MALRD1: variants seen among roughly 807,000 people sequenced by gnomAD.
The protein encoded by MALRD1 is MAM and LDL-receptor class A domain-containing protein 1.
MALRD1 carries 247 observed loss-of-function variants against 242.1 expected under a neutral mutation model. The ratio of observed to expected loss-of-function variants is 1.02; its 90% confidence interval spans 0.92 to 1.13. The LOEUF is 1.13. MALRD1 is among the 50% of genes most tolerant of loss of function. The pLI is 0.00. For synonymous variants in MALRD1, 995 were observed against 866.6 expected, an observed-to-expected ratio of 1.15 and a Z score of -2.60; for missense variants, 2,989 against 2,533.1, an observed-to-expected ratio of 1.18 and a Z score of -3.86.
chr10:19,642,979 T>TA (rs1470584393), intron 36 of MALRD1, among the ~76,000 whole-genome samples: 1 of 152,214 alleles, frequency 6.6e-6, no homozygotes, highest in Admixed American at 6.5e-5. Context: ...CACTATGACT[T>TA]AATTATTGTA....
chr10:19,177,415 T>G (rs12573393), intron 14 of MALRD1, among the ~76,000 whole-genome samples: 16,692 of 152,152 alleles, frequency 0.11, 965 homozygotes, highest in East Asian at 0.18. Flanking sequence ...AGCATTAAAG[T>G]TGACATTGAA....
Position 19,195,513 on chromosome 10 carries a change from C to G in MALRD1, c.1952-8215C>G, listed in dbSNP as rs866676420. On this transcript the variant is annotated intron_variant, in intron 14 of 39. Coordinates refer to ENST00000454679, the MANE Select transcript of MALRD1 (RefSeq NM_001142308.3). ...TTGAACTCCAGACTCAGATCTAACT[C>G]TCTATTAGACATCTTCCCCTGGATG... is the stretch of plus-strand genomic sequence containing the variant. Among the ~76,000 whole-genome samples, 6 of 152,244 alleles carry G rather than the reference C, an allele frequency of 3.9e-5. No homozygotes were observed. In the East Asian group the frequency reaches 7.7e-4, roughly 20 times the overall value.
chr10:19,403,134 C>G lies in MALRD1; in HGVS notation c.4845+13525C>G, dbSNP rs191534110. On this transcript the variant is annotated intron_variant, in intron 28 of 39. Coordinates refer to ENST00000454679, the MANE Select transcript of MALRD1 (RefSeq NM_001142308.3). ...AATTGGAAGCTGATGATGGAATTAT[C>G]TATGCAGTCTAAAAAGAATTTATGT... 2.9e-4 allele frequency among the ~76,000 whole-genome samples: 44 copies of G among 152,196 alleles called. 1 individual carries two copies. The East Asian group carries it at 7.7e-3, about 27-fold the overall frequency.
intron 19 of MALRD1, among the ~76,000 whole-genome samples, chr10:19,275,909 A>G (rs1231861528): frequency 6.6e-5 from 10 of 152,190 alleles, no homozygotes; most frequent in Non-Finnish European, 5.9e-5. Flanking sequence ...ATAGGAAAAC[A>G]TGTGTGATCC....
chr10:19,699,774 G>A (rs1312893810), intron 38 of MALRD1, among the ~76,000 whole-genome samples: 1 of 151,838 alleles, frequency 6.6e-6, no homozygotes, highest in Non-Finnish European at 1.5e-5. Flanking sequence ...GAGAGAGTAG[G>A]GGGGAAGTGC....
intron 35 of MALRD1, among the ~76,000 whole-genome samples, chr10:19,608,881 C>A (rs1386023204): frequency 5.3e-5 from 8 of 152,040 alleles, no homozygotes. Flanking sequence ...CTGTCACTTT[C>A]TCTGCACTCA....
intron 18 of MALRD1, among the ~76,000 whole-genome samples, chr10:19,243,829 G>T (rs575706947): frequency 2.1e-4 from 32 of 152,216 alleles, no homozygotes; most frequent in African/African-American, 7.2e-4. Context: ...TGGAGTGATG[G>T]TTCTCTGAAG....
intron 31 of MALRD1, among the ~76,000 whole-genome samples, chr10:19,527,327 T>C (rs914766377): frequency 5.9e-5 from 9 of 152,178 alleles, no homozygotes; most frequent in African/African-American, 2.2e-4. Flanking sequence ...TAGTTAGATA[T>C]TGGAGTAAAA....
chr10:19,245,821 T>G (rs964567918), intron 18 of MALRD1, among the ~76,000 whole-genome samples: 1 of 152,190 alleles, frequency 6.6e-6, no homozygotes, highest in Non-Finnish European at 1.5e-5. Context: ...TTAAATGATA[T>G]GTAAAGTAAG....
intron 14 of MALRD1, among the ~76,000 whole-genome samples, chr10:19,201,468 C>T (rs560661659): frequency 6.6e-5 from 10 of 152,232 alleles, no homozygotes; most frequent in African/African-American, 2.4e-4. Flanking sequence ...AATAAGGTTC[C>T]CCTTCCAGGT....
chr10:19,446,209 G>A (rs868748119), intron 28 of MALRD1, among the ~76,000 whole-genome samples: 2 of 152,146 alleles, frequency 1.3e-5, no homozygotes, highest in African/African-American at 4.8e-5. Context: ...GCTAGGAAAT[G>A]GAATTCCCCA....
chr10:19,642,111 T>C (rs1288219987), intron 36 of MALRD1, among the ~76,000 whole-genome samples: 1 of 152,190 alleles, frequency 6.6e-6, no homozygotes, highest in Non-Finnish European at 1.5e-5. Flanking sequence ...ATAACATGCT[T>C]AGTTTCAAAG....
intron 38 of MALRD1, among the ~76,000 whole-genome samples, chr10:19,692,867 T>TTATA (rs1254775928): frequency 3.7e-4 from 11 of 29,638 alleles, no homozygotes; most frequent in African/African-American, 8.9e-4. Context: ...ATAGATGAAA[T>TTATA]TATATATATA....
chr10:19,263,094 G>A (rs1021349883), intron 19 of MALRD1, among the ~76,000 whole-genome samples: 5 of 152,218 alleles, frequency 3.3e-5, no homozygotes, highest in African/African-American at 9.6e-5. Flanking sequence ...AATGAACATG[G>A]GAGTTCATTG....
intron 20 of MALRD1, among the ~76,000 whole-genome samples, chr10:19,282,555 T>G (rs1168114525): frequency 2.0e-5 from 3 of 152,148 alleles, no homozygotes. Flanking sequence ...TAGAATAAAA[T>G]TATTACAAGA....
chr10:19,507,780 AT>A (rs1833207798), intron 31 of MALRD1, among the ~76,000 whole-genome samples: 1 of 152,228 alleles, frequency 6.6e-6, no homozygotes, highest in African/African-American at 2.4e-5. Context: ...TGATGCTTCA[AT>A]CACCACATTG....
intron 29 of MALRD1, among the ~76,000 whole-genome samples, chr10:19,458,913 C>T (rs950984488): frequency 1.3e-5 from 2 of 150,214 alleles, no homozygotes; most frequent in Non-Finnish European, 3.0e-5. Flanking sequence ...TATATATGTG[C>T]GTATATATAT....
chr10:19,283,725 A>T (rs935708147), intron 21 of MALRD1, among the ~76,000 whole-genome samples: 1 of 152,188 alleles, frequency 6.6e-6, no homozygotes, highest in Non-Finnish European at 1.5e-5. Flanking sequence ...ATTCATCATT[A>T]TTTGCATTTC....
At chr10:19,102,872 C>CA (rs1836319104) in intron 4 of MALRD1, among the ~76,000 whole-genome samples, 1 of 151,376 alleles carries the variant, frequency 6.6e-6, no homozygotes, top group African/African-American at 2.4e-5. Flanking sequence ...TTTTTGAGAA[C>CA]AAGTCTTACT....
Sources: allele counts gnomAD v4.1 joint callset (sites outside exome capture counted in the v4.1 genomes callset), GRCh38; gene constraint gnomAD v4.1.1; transcripts MANE v1.5; gene names NCBI Gene and HGNC (gene_info 2026-07-23, HGNC 2026-07-21).